The following NT5DC4 variants were observed in gnomAD, a reference collection of about 807,000 sequenced individuals.
NT5DC4 encodes the protein 5'-nucleotidase domain-containing protein 4.
Under a neutral mutation model 26.6 loss-of-function variants are expected in NT5DC4, and 44 were observed. That is an observed-to-expected ratio of 1.65 (90% CI 1.30 to 2.13). The LOEUF (loss-of-function observed/expected upper bound fraction) is 2.13, where lower values mean the gene tolerates loss of function less well. Among genes scored for constraint, NT5DC4 ranks in the 30% most tolerant of loss-of-function variants. The pLI is 0.00. For missense variants in NT5DC4, 399 were observed against 228.1 expected (o/e 1.75, Z -4.83); for synonymous variants, 157 against 86.7 (o/e 1.81, Z -4.51).
intron 15 of NT5DC4, among the ~76,000 whole-genome samples, chr2:112,728,727 C>G (rs966074251): frequency 6.6e-6 from 1 of 152,168 alleles, no homozygotes; most frequent in Admixed American, 6.5e-5. Context: ...GCTTAATGCT[C>G]AATATAACTC....
chr2:112,741,950 T>G (rs1305246350), downstream of NT5DC4, among the ~76,000 whole-genome samples: 1 of 147,518 alleles, frequency 6.8e-6, no homozygotes, highest in Non-Finnish European at 1.5e-5. Context: ...GTTTTTTTTT[T>G]TTTTTTTTTT....
rs1245383104 is a variant in NT5DC4, at chr2:112,724,646, CGGGTTCCCA to C, written c.790-131_790-123del. The C allele has an allele frequency of 1.6e-5, 10 of 624,714 alleles. No individual in the cohort carries two copies. The East Asian group carries it at 2.7e-4, about 17-fold the overall frequency. The allele number at this position is 624,714 out of a possible 1,614,324, so 38.7% of individuals were successfully genotyped here. A position where few individuals can be genotyped will look rare whatever the true frequency, so the allele number is the denominator to read the frequency against. On this transcript the variant is annotated intron_variant, in intron 10 of 16. Transcript: ENST00000688554. ...GGCTGGGGAAGCTGGGCAGCGAGACCGGGTTCCCAGGGGCTGAAGAGGTCTCATCCAGCT... is the reference window on the plus strand; with the variant it reads ...GGCTGGGGAAGCTGGGCAGCGAGACCGGGGCTGAAGAGGTCTCATCCAGCT...
intron 16 of NT5DC4, 100 bp downstream of exon 16, chr2:112,729,804 T>TGCCTCCTGCCTCCTCTCC: frequency 1.4e-6 from 1 of 689,916 alleles, no homozygotes. Flanking sequence ...CATGAGGCAA[T>TGCCTCCTGCCTCCTCTCC]TGGTGGGGGG....
downstream of NT5DC4, chr2:112,742,479 T>C: frequency 1.4e-6 from 1 of 718,194 alleles, no homozygotes; most frequent in South Asian, 1.5e-5. Context: ...CACTCCAGTC[T>C]AGGCTGTTTT....
In NT5DC4 at chr2:112,736,107, G is replaced by A. The variant is rs952954684; in HGVS notation, c.1345-2806G>A. Among the ~76,000 whole-genome samples the A allele has an allele frequency of 2.6e-5, 4 of 152,086 alleles. No homozygotes were observed. The East Asian group carries it at 7.7e-4, about 29-fold the overall frequency. ...GACCACTCTAGAAGCCAGAAAAAAA[G>A]TAAGTGCACAAGCAATGGATGGCAC... On this transcript the variant is annotated intron_variant, in intron 16 of 16. Coordinates refer to ENST00000688554, the MANE Select transcript of NT5DC4 (RefSeq NM_001393655.1).
chr2:112,733,161 T>A (rs927054095), intron 16 of NT5DC4, among the ~76,000 whole-genome samples: 1 of 152,072 alleles, frequency 6.6e-6, no homozygotes, highest in Admixed American at 6.5e-5. Flanking sequence ...GACACATTCA[T>A]GAGAAAACTC....
intron 16 of NT5DC4, chr2:112,737,340 CACAA>C (rs899616213): frequency 3.3e-5 from 5 of 152,200 alleles, no homozygotes; most frequent in African/African-American, 7.2e-5. Context: ...TCTACACGCC[CACAA>C]ACAGTGTACT....
At chr2:112,742,779 A>C, downstream of NT5DC4, 2 of 1,598,752 alleles carry the variant, frequency 1.3e-6, no homozygotes, top group Non-Finnish European at 1.7e-6. Flanking sequence ...GCTGGAAGGA[A>C]GGAAGAAAAC....
At position 112,724,804 on chromosome 2, in the gene NT5DC4, G is replaced by A. The variant is rs1437683548; in HGVS notation, c.813G>A (p.Trp271Ter). Residue 271 changes from tryptophan (W) to a stop codon, truncating the protein, a stop_gained, in exon 11 of 17, where the codon TGG becomes TGA. Coordinates refer to ENST00000688554, the MANE Select transcript of NT5DC4 (RefSeq NM_001393655.1). LOFTEE classifies it high-confidence loss of function. ...ISEAEASGRPWRSYFDLIVVD... is the reference protein window; with the variant it reads ...ISEAEASGRP ...AGGCTGAAGCCTCGGGCAGGCCCTG[G>A]AGGTCCTACTTTGACCTGATCGTGG... 54 of 717,176 alleles carry A rather than the reference G, an allele frequency of 7.5e-5. No homozygotes were observed. In the East Asian group the frequency reaches 1.4e-3, roughly 19 times the overall value. 44.4% of individuals were successfully genotyped at this position (717,176 alleles called of 1,614,324 possible). A position where few individuals can be genotyped will look rare whatever the true frequency, so the allele number is the denominator to read the frequency against.
intron 16 of NT5DC4, among the ~76,000 whole-genome samples, chr2:112,734,169 A>ATATATGTGTGTGTGTGTGTGTGTGTG (rs150412692): frequency 2.2e-5 from 3 of 134,866 alleles, no homozygotes; most frequent in African/African-American, 5.7e-5. Flanking sequence ...TATTATATAT[A>ATATATGTGTGTGTGTGTGTGTGTGTG]TGTGTGTGTG....
Position 112,721,898 on chromosome 2 carries a change from A to G in NT5DC4, c.148+7A>G, listed in dbSNP as rs573759993. 2.2e-5 allele frequency: 16 copies of G among 717,324 alleles called. No homozygotes were observed. In the African/African-American group the frequency reaches 2.6e-4, roughly 12 times the overall value. 44.4% of individuals were successfully genotyped at this position (717,324 alleles called of 1,614,324 possible). On this transcript the variant is annotated splice_region_variant and intron_variant, in intron 2 of 16. Transcript: ENST00000688554. ...ATGGACTACACTCTGGCTGGTAGAG[A>G]GGGCTGGAACACAGCGTATTGGGAG...
chr2:112,731,917 C>CTG (rs1553436627), intron 16 of NT5DC4, among the ~76,000 whole-genome samples: 1 of 108,632 alleles, frequency 9.2e-6, no homozygotes, highest in African/African-American at 3.6e-5. Flanking sequence ...AGAGAGTTTA[C>CTG]TTTTTTTTTT....
Position 112,722,180 on chromosome 2 carries a change from C to A in NT5DC4, c.267-3C>A. 1.4e-6 allele frequency: 1 copy of A among 716,874 alleles called. No individual in the cohort carries two copies. 44.4% of individuals were successfully genotyped at this position (716,874 alleles called of 1,614,324 possible). On this transcript the variant is annotated splice_polypyrimidine_tract_variant and splice_region_variant and intron_variant, in intron 3 of 16. Transcript: ENST00000688554. ...ACAGTGCCCCCCGACCCCCCGTCTG[C>A]AGGCGGCTGGTGTTCGATGAACTCT...
Position 112,725,363 on chromosome 2 carries a change from C to A in NT5DC4, c.983-19C>A, listed in dbSNP as rs1457828451. 1.4e-6 allele frequency: 1 copy of A among 695,286 alleles called. No homozygotes were observed. Among genetic ancestry groups the A allele is most frequent in the East Asian group, 2.7e-5 (1 of 36,736 alleles). 43.1% of individuals were successfully genotyped at this position (695,286 alleles called of 1,614,324 possible). A position where few individuals can be genotyped will look rare whatever the true frequency, so the allele number is the denominator to read the frequency against. ...GCAGGAAGGGCAAACGAGTGTCTGT[C>A]CTCCCCTTGGTGGGGCAGGCTCTTC... On this transcript the variant is annotated intron_variant, in intron 12 of 16. Coordinates refer to ENST00000688554, the MANE Select transcript of NT5DC4 (RefSeq NM_001393655.1).
At chr2:112,723,316 C>T (rs1677188921) in intron 7 of NT5DC4, 102 bp from the exon 8 acceptor site, 3 of 699,660 alleles carry the variant, frequency 4.3e-6, no homozygotes, top group Admixed American at 2.1e-5. Flanking sequence ...CCCAGAGCCG[C>T]CCACTTTTCT....
upstream of NT5DC4, among the ~76,000 whole-genome samples, chr2:112,719,987 T>C (rs57441996): frequency 1.3e-3 from 168 of 129,854 alleles, 1 homozygote; most frequent in African/African-American, 3.8e-3. Flanking sequence ...TCTTTCTTTC[T>C]TTTTCTTTTC....
intron 14 of NT5DC4, among the ~76,000 whole-genome samples, 187 bp from the exon 15 acceptor site, chr2:112,726,491 C>T (rs1016377820): frequency 2.6e-5 from 4 of 152,156 alleles, no homozygotes; most frequent in Non-Finnish European, 5.9e-5. Context: ...GACCTCTAGG[C>T]CCTTCCTCTG....
At chr2:112,741,064 G>T, downstream of NT5DC4, 2 of 1,157,700 alleles carry the variant, frequency 1.7e-6, no homozygotes, top group Non-Finnish European at 2.5e-6. Context: ...ACTTCAACTA[G>T]AAGTCAATAA....
Position 112,729,642 on chromosome 2 carries a change from G to C in NT5DC4, c.1282G>C (p.Val428Leu), listed in dbSNP as rs778172357. 4.2e-6 allele frequency: 3 copies of C among 717,872 alleles called. No individual in the cohort carries two copies. Among genetic ancestry groups the C allele is most frequent in the Non-Finnish European group, 7.8e-6 (3 of 385,204 alleles). 44.5% of individuals were successfully genotyped at this position (717,872 alleles called of 1,614,324 possible). Residue 428 changes from valine (V) to leucine (L), a missense_variant, in exon 16 of 17, where the codon GTT (valine) becomes CTT (leucine). Val to Leu is a conservative substitution (Grantham distance 32). Coordinates refer to ENST00000688554, the MANE Select transcript of NT5DC4 (RefSeq NM_001393655.1). The stretch of plus-strand genomic sequence containing the variant: ...ATCCCTACAGATGCCACATGAGTCA[G>C]TTGTGGAGCAAGAACAGGCCAATCT... ...KREIQMPHES[V>L]VEQEQANLDP...
Sources: gnomAD v4.1 joint callset for allele counts (sites outside exome capture counted in the v4.1 genomes callset) on GRCh38, gnomAD v4.1.1 for gene constraint, MANE v1.5 for transcripts, NCBI Gene and HGNC (gene_info 2026-07-23, HGNC 2026-07-21) for gene names.